Variants in SYNJ1 observed in about 807,000 individuals in gnomAD.
SYNJ1 encodes the protein synaptojanin 1, also known as polyphosphatidylinositol phosphatase SYNJ1.
In SYNJ1, 78 loss-of-function variants were observed where a neutral mutation model predicts 168.2. The observed-to-expected ratio is 0.46, with a 90% confidence interval of 0.39 to 0.56. The LOEUF (loss-of-function observed/expected upper bound fraction) is 0.56. Among genes scored for constraint, SYNJ1 ranks in the 20% least tolerant of loss-of-function variants. The pLI is 0.00. For synonymous variants in SYNJ1, 539 were observed against 548.6 expected (o/e 0.98, Z 0.24); for missense variants, 1,303 against 1,597.6 (o/e 0.82, Z 3.14).
At chr21:32,687,769 A>G (rs1212557108) in intron 7 of SYNJ1, among the ~76,000 whole-genome samples, 1 of 152,106 alleles carries the variant, frequency 6.6e-6, no homozygotes, top group Non-Finnish European at 1.5e-5. Flanking sequence ...TTTCAACCAA[A>G]GAAGAATCAA....
chr21:32,670,383 G>A lies in SYNJ1; in HGVS notation c.1727-11C>T, dbSNP rs1271022026. The A allele has an allele frequency of 1.9e-6, 3 of 1,603,994 alleles. No individual in the cohort carries two copies. The highest frequency in any genetic ancestry group is 1.3e-5 in the African/African-American group (1 of 74,790). ...GCTTACTTCTTTTATCTAAAATTAA[G>A]CATCCAAGAAATACTTTTAAATATA... On this transcript the variant is annotated splice_polypyrimidine_tract_variant and intron_variant, in intron 14 of 32. Coordinates refer to ENST00000674351, the MANE Select transcript of SYNJ1 (RefSeq NM_203446.3).
In SYNJ1 at chr21:32,656,769, G is replaced by T. The variant is rs2040473157; in HGVS notation, c.2713C>A (p.Pro905Thr). Residue 905 changes from proline (P) to threonine (T), a missense_variant, in exon 21 of 33, where the codon CCA (proline) becomes ACA (threonine). Coordinates refer to ENST00000674351, the MANE Select transcript of SYNJ1 (RefSeq NM_203446.3). ...TVLVSIKSSL[P>T]ENNFFDDALI... ...GCATCATCAAAAAAATTATTTTCTGGTAAAGAACTTTTGATTGAGACCAAT... is the reference window on the plus strand; with the variant it reads ...GCATCATCAAAAAAATTATTTTCTGTTAAAGAACTTTTGATTGAGACCAAT... The T allele has an allele frequency of 1.2e-6, 2 of 1,613,938 alleles. No individual in the cohort carries two copies. Among genetic ancestry groups the T allele is most frequent in the Non-Finnish European group, 1.7e-6 (2 of 1,180,026 alleles).
At chr21:32,724,348 C>T (rs1461796619) in intron 2 of SYNJ1, among the ~76,000 whole-genome samples, 3 of 152,014 alleles carry the variant, frequency 2.0e-5, no homozygotes, top group South Asian at 4.2e-4. Context: ...ATTAGCAAGG[C>T]GTGGTGGCAC....
intron 2 of SYNJ1, among the ~76,000 whole-genome samples, chr21:32,712,295 G>T (rs140554122): frequency 6.6e-6 from 1 of 152,230 alleles, no homozygotes; most frequent in African/African-American, 2.4e-5. Context: ...TCCTGTATGA[G>T]GATCCTAGAG....
chr21:32,683,006 G>T (rs2041681604), intron 10 of SYNJ1, among the ~76,000 whole-genome samples: 1 of 152,036 alleles, frequency 6.6e-6, no homozygotes, highest in Non-Finnish European at 1.5e-5. Flanking sequence ...TTAGTTACAT[G>T]AAAAATATAT....
intron 22 of SYNJ1, among the ~76,000 whole-genome samples, chr21:32,652,223 C>CA (rs1210257317): frequency 2.5e-4 from 37 of 147,768 alleles, no homozygotes; most frequent in Non-Finnish European, 4.5e-5. Flanking sequence ...TTTTTTGAGA[C>CA]AGAGTCTCGC....
At chr21:32,666,694 G>T in intron 15 of SYNJ1, 121 bp from the exon 16 acceptor site, 1 of 1,052,980 alleles carries the variant, frequency 9.5e-7, no homozygotes, top group Non-Finnish European at 1.3e-6. Context: ...GGAAGCTTAG[G>T]CTGTTTTTGT....
chr21:32,649,628 T>G (rs1268979917), intron 23 of SYNJ1, among the ~76,000 whole-genome samples: 2 of 152,260 alleles, frequency 1.3e-5, no homozygotes, highest in Admixed American at 1.3e-4. Flanking sequence ...AATACTAATT[T>G]GGGTATTTAT....
At chr21:32,654,040 G>A (rs188347735) in intron 21 of SYNJ1, 2 of 152,204 alleles carry the variant, frequency 1.3e-5, no homozygotes, top group Admixed American at 1.3e-4. Flanking sequence ...TCGCAGGTAT[G>A]TAATGAAGTT....
At position 32,631,230 on chromosome 21, in the gene SYNJ1, G is replaced by A; in HGVS notation, c.*575C>T. On this transcript the variant is annotated 3_prime_UTR_variant, in exon 33 of 33. Transcript: ENST00000674351. ...CAGTAAGTCTGAACAAGCTGACTTT[G>A]ACTTCCCTTTCACACCAAAATCCTC... 1 of 1,614,192 alleles carries A rather than the reference G, an allele frequency of 6.2e-7. No homozygotes were observed. Among genetic ancestry groups the A allele is most frequent in the Non-Finnish European group, 8.5e-7 (1 of 1,180,048 alleles).
chr21:32,678,318 A>G (rs2041490804), intron 12 of SYNJ1, among the ~76,000 whole-genome samples: 1 of 152,234 alleles, frequency 6.6e-6, no homozygotes, highest in Non-Finnish European at 1.5e-5. Flanking sequence ...TTAGATTATT[A>G]AATGCTGTAT....
intron 32 of SYNJ1, among the ~76,000 whole-genome samples, chr21:32,632,745 C>T (rs773072154): frequency 3.3e-5 from 5 of 152,106 alleles, no homozygotes; most frequent in South Asian, 4.1e-4. Context: ...TGAGGCTGGG[C>T]GCGGTGGCTC....
intron 2 of SYNJ1, among the ~76,000 whole-genome samples, chr21:32,706,603 C>G (rs1191080091): frequency 6.6e-6 from 1 of 151,774 alleles, no homozygotes; most frequent in African/African-American, 2.4e-5. Context: ...TCAATGTAAC[C>G]AGCAAAAATA....
In SYNJ1 at chr21:32,702,210, A is replaced by T. The variant is rs1049173011; in HGVS notation, c.125-163T>A. ...CTAGTAACATTAGTATTCTTCCCAA[A>T]GAGTTAATAAATTATTCCAAGACCA... On this transcript the variant is annotated intron_variant, in intron 2 of 32. Transcript: ENST00000674351. 6.6e-5 allele frequency among the ~76,000 whole-genome samples: 10 copies of T among 152,362 alleles called. No individual in the cohort carries two copies. In the South Asian group the frequency reaches 2.1e-3, roughly 32 times the overall value.
At chr21:32,632,618 G>A (rs1388926275) in intron 32 of SYNJ1, among the ~76,000 whole-genome samples, 2 of 152,098 alleles carry the variant, frequency 1.3e-5, no homozygotes, top group African/African-American at 4.8e-5. Flanking sequence ...ACTCCTGAGT[G>A]CAGGCAATCT....
chr21:32,694,418 G>C (rs2042132811), intron 5 of SYNJ1, 107 bp from the exon 6 acceptor site: 1 of 777,804 alleles, frequency 1.3e-6, no homozygotes, highest in South Asian at 3.0e-5. Context: ...TACATTTTAT[G>C]ATCTAACTCT....
At chr21:32,639,343 C>T (rs1452753095) in intron 30 of SYNJ1, among the ~76,000 whole-genome samples, 4 of 152,048 alleles carry the variant, frequency 2.6e-5, no homozygotes, top group Non-Finnish European at 2.9e-5. Flanking sequence ...ACAACAAAAC[C>T]AGTACAGTAT....
Position 32,662,418 on chromosome 21 carries a change from G to A in SYNJ1, c.2304+2495C>T, listed in dbSNP as rs111282028. Among the ~76,000 whole-genome samples the A allele has an allele frequency of 7.9e-4, 120 of 152,268 alleles. 1 individual carries two copies. Among genetic ancestry groups the A allele is most frequent in the African/African-American group, 2.8e-3 (115 of 41,544 alleles). The stretch of plus-strand genomic sequence containing the variant: ...AATGCCTAGGAACTTTAAAAGGAAC[G>A]TGTTTATATAATGACACTCAGTACG... On this transcript the variant is annotated intron_variant, in intron 18 of 32. Transcript: ENST00000674351.
intron 15 of SYNJ1, among the ~76,000 whole-genome samples, chr21:32,666,951 C>T (rs970556662): frequency 6.6e-6 from 1 of 152,144 alleles, no homozygotes; most frequent in Non-Finnish European, 1.5e-5. Context: ...ACTCAAGTCC[C>T]TTACATAAAA....
Sources: allele counts gnomAD v4.1 joint callset (sites outside exome capture counted in the v4.1 genomes callset), GRCh38; gene constraint gnomAD v4.1.1; transcripts MANE v1.5; gene names NCBI Gene and HGNC (gene_info 2026-07-23, HGNC 2026-07-21).